Variants in SLITRK3 observed in about 807,000 individuals in gnomAD.
The protein encoded by SLITRK3 is SLIT and NTRK-like protein 3.
In SLITRK3, 16 loss-of-function variants were observed where a neutral mutation model predicts 63.6. That is an observed-to-expected ratio of 0.25 (90% CI 0.17 to 0.38). The LOEUF (loss-of-function observed/expected upper bound fraction) is 0.38. Among genes scored for constraint, SLITRK3 ranks in the 10% least tolerant of loss-of-function variants. SLITRK3 has a pLI of 1.00. For missense variants in SLITRK3, 1,117 were observed against 1,181.4 expected, an observed-to-expected ratio of 0.95 and a Z score of 0.80; for synonymous variants, 547 against 451.6, an observed-to-expected ratio of 1.21 and a Z score of -2.68.
rs1256824348 is a variant in SLITRK3 at position 165,188,668 on chromosome 3, A to C, written c.2163T>G (p.Gly721=). ...DGGGGGGGSG[G]GGRPTLSSPE... ...GAGAGGAAAGAGTTGGTCGACCACCACCCCCACTTCCGCCACCACCACCTC... is the reference window on the plus strand; with the variant it reads ...GAGAGGAAAGAGTTGGTCGACCACCCCCCCCACTTCCGCCACCACCACCTC... The change falls in exon 2 of 2, where the codon GGT becomes GGG. Residue 721 remains glycine, a synonymous_variant. Coordinates refer to ENST00000475390, the MANE Select transcript of SLITRK3 (RefSeq NM_001318810.2). 1.1e-5 allele frequency: 17 copies of C among 1,611,336 alleles called. No individual in the cohort carries two copies. The highest frequency in any genetic ancestry group is 1.4e-5 in the Non-Finnish European group (17 of 1,179,256).
chr3:165,193,972 T>A (rs138020668), intron 1 of SLITRK3, among the ~76,000 whole-genome samples: 1 of 152,262 alleles, frequency 6.6e-6, no homozygotes, highest in Non-Finnish European at 1.5e-5. Flanking sequence ...CAGAGGAATT[T>A]TTTTAAGGCT....
At position 165,188,211 on chromosome 3, in the gene SLITRK3, G is replaced by C; in HGVS notation, c.2620C>G (p.Pro874Ala). Residue 874 changes from proline (P) to alanine (A), a missense_variant, in exon 2 of 2, where the codon CCT becomes GCT. Physicochemically the swap from Pro to Ala is conservative, Grantham distance 27 (BLOSUM62 -1). Coordinates refer to ENST00000475390, the MANE Select transcript of SLITRK3 (RefSeq NM_001318810.2). ...EKNGGVVLFP[P>A]GGGCGSGSML... ...CTGCCACTACCACAGCCTCCCCCAG[G>C]AGGAAACAGCACCACCCCACCATTT... 2 of 1,613,794 alleles carry C rather than the reference G, an allele frequency of 1.2e-6. No homozygotes were observed. The highest frequency in any genetic ancestry group is 8.5e-7 in the Non-Finnish European group (1 of 1,179,948).
Position 165,189,727 on chromosome 3 carries a change from T to C in SLITRK3, c.1104A>G (p.Pro368=). The change falls in exon 2 of 2, where the codon CCA becomes CCG. Residue 368 remains proline (P), a synonymous_variant. Coordinates refer to ENST00000475390, the MANE Select transcript of SLITRK3 (RefSeq NM_001318810.2). The surrounding 1 kb of genome is among the most constrained non-coding windows in gnomAD (Gnocchi z 4.0). The part of the protein sequence containing the change: ...PPIAPYQTRP[P]IPIICPTGCT... ...ACCCAGTGGGGCATATAATGGGGAT[T>C]GGTGGTCTGGTCTGATAAGGAGCAA... The C allele has an allele frequency of 6.2e-7, 1 of 1,614,122 alleles. No homozygotes were observed. The highest frequency in any genetic ancestry group is 8.5e-7 in the Non-Finnish European group (1 of 1,180,018).
chr3:165,195,215 A>G (rs1432485684), intron 1 of SLITRK3, among the ~76,000 whole-genome samples: 1 of 152,200 alleles, frequency 6.6e-6, no homozygotes, highest in African/African-American at 2.4e-5. Context: ...CGAAACGCAC[A>G]ATGGTCTGTT....
Position 165,188,932 on chromosome 3 carries a change from A to C in SLITRK3, c.1899T>G (p.Ile633Met), listed in dbSNP as rs748634857. The C allele has an allele frequency of 6.2e-7, 1 of 1,614,102 alleles. No individual in the cohort carries two copies. The change falls in exon 2 of 2, where the codon ATT becomes ATG. Residue 633 changes from isoleucine (I) to methionine (M), a missense_variant. Coordinates refer to ENST00000475390, the MANE Select transcript of SLITRK3 (RefSeq NM_001318810.2). ...SPAQPGDSHL[I>M]GAPTSASPYE... ...AAGGTGATGCACTGGTTGGTGCCCC[A>C]ATAAGGTGAGAATCTCCAGGCTGGG...
At position 165,187,775 on chromosome 3, in the gene SLITRK3, G is replaced by A. The variant is rs994533997; in HGVS notation, c.*122C>T. On this transcript the variant is annotated 3_prime_UTR_variant, in exon 2 of 2. Coordinates refer to ENST00000475390, the MANE Select transcript of SLITRK3 (RefSeq NM_001318810.2). ...TATCATGCGGTTTTAGTTTTGTTCA[G>A]GGTAGGAAAGATCGTGAGGATGGAG... is the stretch of plus-strand genomic sequence containing the variant. The A allele has an allele frequency of 3.8e-6, 3 of 798,020 alleles. No individual in the cohort carries two copies. The African/African-American group carries it at 5.2e-5, about 14-fold the overall frequency. The allele number at this position is 798,020 out of a possible 1,614,324, so 49.4% of individuals were successfully genotyped here. A position where few individuals can be genotyped will look rare whatever the true frequency, so the allele number is the denominator to read the frequency against.
At chr3:165,195,086 T>C (rs2108212158) in intron 1 of SLITRK3, among the ~76,000 whole-genome samples, 1 of 152,302 alleles carries the variant, frequency 6.6e-6, no homozygotes. Context: ...TAAGATTAAG[T>C]ATTCCAATAT....
rs775428172 is a variant in SLITRK3 at position 165,188,885 on chromosome 3, C to A, written c.1946G>T (p.Gly649Val). The A allele has an allele frequency of 1.2e-6, 2 of 1,614,074 alleles. No homozygotes were observed. Among genetic ancestry groups the A allele is most frequent in the Admixed American group, 1.7e-5 (1 of 60,002 alleles). ...ASPYEFSPPG[G>V]PVPLSVLILS... ...AATTAACACAGAAAGTGGCACAGGGCCCCCAGGAGGAGAAAACTCATAAGG... is the reference window on the plus strand; with the variant it reads ...AATTAACACAGAAAGTGGCACAGGGACCCCAGGAGGAGAAAACTCATAAGG... Residue 649 changes from glycine (G) to valine (V), a missense_variant, in exon 2 of 2, where the codon GGC becomes GTC. Transcript: ENST00000475390.
At chr3:165,195,335 G>T (rs1164988306) in intron 1 of SLITRK3, among the ~76,000 whole-genome samples, 2 of 152,128 alleles carry the variant, frequency 1.3e-5, no homozygotes, top group Admixed American at 6.5e-5. Context: ...TGGCCTATTT[G>T]TTGGAGTTAC....
At chr3:165,194,866 C>G (rs1383729245) in intron 1 of SLITRK3, among the ~76,000 whole-genome samples, 4 of 152,104 alleles carry the variant, frequency 2.6e-5, no homozygotes, top group African/African-American at 9.7e-5. Flanking sequence ...TTCTTTAGCT[C>G]AGGATAGCGC....
chr3:165,191,483 G>A (rs2108209499), intron 1 of SLITRK3, among the ~76,000 whole-genome samples: 1 of 152,274 alleles, frequency 6.6e-6, no homozygotes, highest in Admixed American at 6.5e-5. Context: ...TTATTACAGT[G>A]TATAGTCAGT....
chr3:165,193,310 T>TTTCTTTC (rs1382975764), intron 1 of SLITRK3, among the ~76,000 whole-genome samples: 4 of 114,410 alleles, frequency 3.5e-5, no homozygotes, highest in African/African-American at 1.3e-4. Context: ...TCTTTCTTTC[T>TTTCTTTC]TTTTTTTTAA....
In SLITRK3 at chr3:165,187,252, G is replaced by GTT. The variant is rs756982536; in HGVS notation, c.*644_*645insAA. On this transcript the variant is annotated 3_prime_UTR_variant, in exon 2 of 2. Transcript: ENST00000475390. ...TGTGTGTGTGTGTGTGTGTGTGTGT[G>GTT]TACCTGCACCAGCAGGAAGAAACTG... 4.6e-3 allele frequency: 676 copies of GTT among 148,206 alleles called. 3 individuals are homozygous for GTT. The highest frequency in any genetic ancestry group is 0.024 in the Middle Eastern group (7 of 290). The allele number at this position is 148,206 out of a possible 1,614,324, so 9.2% of individuals were successfully genotyped here. A position where few individuals can be genotyped will look rare whatever the true frequency, so the allele number is the denominator to read the frequency against.
chr3:165,190,954 G>A (rs1718202210), intron 1 of SLITRK3, 103 bp from the exon 2 acceptor site: 1 of 789,940 alleles, frequency 1.3e-6, no homozygotes, highest in Non-Finnish European at 1.9e-6. Context: ...AAAAACTTCA[G>A]CAATTGTTGA....
intron 1 of SLITRK3, among the ~76,000 whole-genome samples, chr3:165,193,216 C>A (rs990328054): frequency 7.3e-6 from 1 of 136,792 alleles, no homozygotes; most frequent in Non-Finnish European, 1.5e-5. Context: ...GGAGACCAAC[C>A]TATGGGAAAC....
In SLITRK3 at chr3:165,189,749, G is replaced by T. The variant is rs767614899; in HGVS notation, c.1082C>A (p.Ala361Asp). Residue 361 changes from alanine to aspartate, a missense_variant, in exon 2 of 2, where the codon GCT becomes GAT. Physicochemically the swap from Ala to Asp is moderately radical, Grantham distance 126. This residue lies in a region of SLITRK3 where 452 missense variants were observed against 495.3 expected (regional missense o/e 0.91). Coordinates refer to ENST00000475390, the MANE Select transcript of SLITRK3 (RefSeq NM_001318810.2). The surrounding 1 kb of genome is among the most constrained non-coding windows in gnomAD (Gnocchi z 4.0). ...GATTGGTGGTCTGGTCTGATAAGGA[G>T]CAATGGGAGGCTGGTTTGGACCAGG... Reference protein sequence around the residue: ...LYPGPNQPPIAPYQTRPPIPI... With the variant: ...LYPGPNQPPIDPYQTRPPIPI... 6.2e-7 allele frequency: 1 copy of T among 1,614,082 alleles called. No individual in the cohort carries two copies. Among genetic ancestry groups the T allele is most frequent in the African/African-American group, 1.3e-5 (1 of 74,932 alleles).
upstream of SLITRK3, chr3:165,196,787 C>T (rs1718435876): frequency 2.6e-5 from 4 of 152,294 alleles, no homozygotes. Flanking sequence ...GCCCCTCCTC[C>T]GCGCCAACTG....
rs1718053968 is a variant in SLITRK3 at position 165,188,562 on chromosome 3, T to C, written c.2269A>G (p.Lys757Glu). 3 of 1,614,026 alleles carry C rather than the reference T, an allele frequency of 1.9e-6. No homozygotes were observed. The East Asian group carries it at 6.7e-5, about 36-fold the overall frequency. The change falls in exon 2 of 2, where the codon AAG (lysine) becomes GAG (glutamate). Residue 757 changes from lysine (K) to glutamate (E), a missense_variant. Around this residue, in one of 4 missense-constraint regions of SLITRK3, gnomAD observed 499 missense variants for 463.6 expected, o/e 1.08. Transcript: ENST00000475390. Reference sequence around the variant, plus strand: ...GCCACCTCCTCCTCCTCACGAGGCTTGTAGATGGGGTTGTTGCACATTTGG... The same window carrying C: ...GCCACCTCCTCCTCCTCACGAGGCTCGTAGATGGGGTTGTTGCACATTTGG... The part of the protein sequence containing the change: ...VTQMCNNPIY[K>E]PREEEEVAVS...
At chr3:165,193,615 G>A (rs1718320619) in intron 1 of SLITRK3, among the ~76,000 whole-genome samples, 1 of 151,902 alleles carries the variant, frequency 6.6e-6, no homozygotes, top group Non-Finnish European at 1.5e-5. Flanking sequence ...CTTTTGTTGT[G>A]CTGCAGGTCA....
Sources: gnomAD v4.1 joint callset for allele counts (sites outside exome capture counted in the v4.1 genomes callset) on GRCh38, gnomAD v4.1.1 for gene constraint, gnomAD v4.1.1 regional missense constraint, Gnocchi (gnomAD v3.1) non-coding constraint, MANE v1.5 for transcripts, NCBI Gene and HGNC (gene_info 2026-07-23, HGNC 2026-07-21) for gene names.